EHMT1: variants seen among roughly 807,000 people sequenced by gnomAD.
The protein encoded by EHMT1 is euchromatic histone lysine methyltransferase 1, also known as histone-lysine N-methyltransferase EHMT1.
A neutral mutation model predicts 147.2 loss-of-function variants in EHMT1; 15 were observed. The ratio of observed to expected loss-of-function variants is 0.10; its 90% CI spans 0.07 to 0.16. The LOEUF is 0.16. EHMT1 is among the 10% of genes least tolerant of loss of function. The pLI, the probability that EHMT1 is intolerant of heterozygous loss-of-function variation, is 1.00. For synonymous variants in EHMT1, 795 were observed against 709.6 expected (o/e 1.12, Z -1.91); for missense variants, 1,587 against 1,772.4 (o/e 0.90, Z 1.88).
intron 10 of EHMT1, among the ~76,000 whole-genome samples, chr9:137,771,903 G>A (rs1040522261): frequency 1.3e-5 from 2 of 152,126 alleles, no homozygotes; most frequent in Non-Finnish European, 2.9e-5. Context: ...CCACAGTGGA[G>A]CCCAGATCTG....
chr9:137,764,116 C>T (rs1338275423), intron 10 of EHMT1: 4 of 152,410 alleles, frequency 2.6e-5, no homozygotes, highest in African/African-American at 9.6e-5. Context: ...TCCTCTTCTC[C>T]TTCTCCGTAG....
intron 10 of EHMT1, among the ~76,000 whole-genome samples, chr9:137,770,538 G>A: frequency 6.6e-6 from 1 of 152,186 alleles, no homozygotes; most frequent in Middle Eastern, 3.2e-3. Flanking sequence ...AATTCTCTGG[G>A]GGGAAGAAGG....
intron 1 of EHMT1, among the ~76,000 whole-genome samples, chr9:137,657,166 G>A (rs908546665): frequency 6.6e-6 from 1 of 152,174 alleles, no homozygotes; most frequent in African/African-American, 2.4e-5. Flanking sequence ...GACAAGGAAG[G>A]GCACATGGGC....
At chr9:137,763,854 G>C in intron 10 of EHMT1, 1 of 152,420 alleles carries the variant, frequency 6.6e-6, no homozygotes, top group East Asian at 1.9e-4. Flanking sequence ...AGGCAGGAAT[G>C]GGAGCCTTGT....
intron 25 of EHMT1, 148 bp downstream of exon 25, chr9:137,818,286 G>A: frequency 1.1e-6 from 1 of 904,936 alleles, no homozygotes; most frequent in Non-Finnish European, 1.8e-6. Context: ...GCCGCATTTG[G>A]AGCTGGCCTT....
chr9:137,688,063 G>C (rs1283007939), intron 1 of EHMT1, among the ~76,000 whole-genome samples: 1 of 152,072 alleles, frequency 6.6e-6, no homozygotes, highest in Non-Finnish European at 1.5e-5. Context: ...TTACTCTGTT[G>C]CCCAGGCTGG....
At chr9:137,689,376 A>G (rs1465988218) in intron 1 of EHMT1, among the ~76,000 whole-genome samples, 2 of 152,134 alleles carry the variant, frequency 1.3e-5, no homozygotes, top group African/African-American at 4.8e-5. Flanking sequence ...ATGAAATTGC[A>G]TTCTATGTGT....
chr9:137,701,892 C>T (rs532473400), intron 1 of EHMT1, among the ~76,000 whole-genome samples: 16 of 151,682 alleles, frequency 1.1e-4, no homozygotes, highest in South Asian at 1.0e-3. Flanking sequence ...CTCCTGGGTT[C>T]AAGTGATTCT....
In EHMT1 at chr9:137,775,025, T is replaced by A. The variant is rs1950859555; in HGVS notation, c.1648-84T>A. 6.3e-7 allele frequency: 1 copy of A among 1,591,126 alleles called. No homozygotes were observed. The highest frequency in any genetic ancestry group is 2.2e-5 in the East Asian group (1 of 44,772). On this transcript the variant is annotated intron_variant, in intron 10 of 26. Coordinates refer to ENST00000460843, the MANE Select transcript of EHMT1 (RefSeq NM_024757.5). The surrounding 1 kb of genome is among the most constrained non-coding windows in gnomAD (Gnocchi z 6.1). ...CCACACCTGCTGAGCAGCTCTTGTG[T>A]GCCTGCACTGCCCAGCGCCTGGTGG...
At chr9:137,818,165 A>T (rs1173933134) in intron 25 of EHMT1, 27 bp downstream of exon 25, 1 of 1,611,466 alleles carries the variant, frequency 6.2e-7, no homozygotes. Flanking sequence ...GGTTGGGGCC[A>T]CGCAGAACTT....
chr9:137,832,444 T>G (rs1956272429), intron 25 of EHMT1, among the ~76,000 whole-genome samples: 1 of 142,242 alleles, frequency 7.0e-6, no homozygotes, highest in African/African-American at 2.7e-5. Flanking sequence ...ATCCTAGGAT[T>G]GGCTGGTCTC....
At chr9:137,636,716 T>A (rs141482023) in intron 1 of EHMT1, among the ~76,000 whole-genome samples, 26 of 152,290 alleles carry the variant, frequency 1.7e-4, no homozygotes, top group African/African-American at 6.3e-4. Context: ...CAACCAGCCC[T>A]GCGTTTCTGC....
chr9:137,802,909 G>A, intron 18 of EHMT1: 1 of 1,232,602 alleles, frequency 8.1e-7, no homozygotes, highest in Non-Finnish European at 1.0e-6. Flanking sequence ...GAAGAGAAGA[G>A]GGAAGCAGAG....
chr9:137,803,308 C>G, intron 18 of EHMT1: 3 of 996,338 alleles, frequency 3.0e-6, no homozygotes, highest in South Asian at 4.7e-5. Flanking sequence ...TTGTTGCTGT[C>G]GGAAGAGTGA....
intron 17 of EHMT1, chr9:137,800,612 G>A: frequency 1.9e-6 from 1 of 522,126 alleles, no homozygotes; most frequent in South Asian, 2.1e-5. Flanking sequence ...CTGGGAGCGG[G>A]CAAGGCCGAC....
At position 137,815,916 on chromosome 9, in the gene EHMT1, T is replaced by C. The variant is rs775917419; in HGVS notation, c.3259-31T>C. 5 of 1,547,166 alleles carry C rather than the reference T, an allele frequency of 3.2e-6. No homozygotes were observed. The African/African-American group carries it at 6.8e-5, about 21-fold the overall frequency. On this transcript the variant is annotated intron_variant, in intron 22 of 26. Transcript: ENST00000460843. The stretch of plus-strand genomic sequence containing the variant: ...GTTCAATTAAAGAGTGAGTAACCTC[T>C]GCTGGGCCCTTGCTGCTCATCTGTC...
chr9:137,791,167 A>G (rs1304045806), intron 16 of EHMT1, among the ~76,000 whole-genome samples, 197 bp downstream of exon 16: 1 of 152,154 alleles, frequency 6.6e-6, no homozygotes, highest in Admixed American at 6.5e-5. Flanking sequence ...CTCACTCTCT[A>G]CAGAGCCTGA....
chr9:137,821,068 A>G (rs1427406878), intron 25 of EHMT1, among the ~76,000 whole-genome samples: 2 of 152,180 alleles, frequency 1.3e-5, no homozygotes, highest in Non-Finnish European at 2.9e-5. Context: ...TAGTAGAGAC[A>G]GGGTTTCACC....
At chr9:137,757,791 C>T in intron 8 of EHMT1, 89 bp from the exon 9 acceptor site, 2 of 1,600,120 alleles carry the variant, frequency 1.2e-6, no homozygotes, top group South Asian at 2.2e-5. Flanking sequence ...AGTCCATTTC[C>T]TGGGGCCCCA....
Sources: allele counts gnomAD v4.1 joint callset (sites outside exome capture counted in the v4.1 genomes callset), GRCh38; gene constraint gnomAD v4.1.1; non-coding constraint Gnocchi (gnomAD v3.1); transcripts MANE v1.5; gene names NCBI Gene and HGNC (gene_info 2026-07-23, HGNC 2026-07-21).